Variants in SRP68 observed in about 807,000 individuals in gnomAD.
SRP68 encodes the protein signal recognition particle subunit SRP68.
Under a neutral mutation model 82.2 loss-of-function variants are expected in SRP68, and 15 were observed. That is an observed-to-expected ratio of 0.18 (90% CI 0.12 to 0.28). The LOEUF is 0.28. Among genes scored for constraint, SRP68 ranks in the 10% least tolerant of loss-of-function variants. The pLI, the probability that SRP68 is intolerant of heterozygous loss-of-function variation, is 1.00. For missense variants in SRP68, 595 were observed against 780.5 expected, an observed-to-expected ratio of 0.76 and a Z score of 2.83; for synonymous variants, 261 against 292.6, an observed-to-expected ratio of 0.89 and a Z score of 1.10.
At chr17:76,057,587 GA>G (rs1411681246) in intron 7 of SRP68, 44 bp from the exon 8 acceptor site, 1 of 1,603,856 alleles carries the variant, frequency 6.2e-7, no homozygotes, top group Non-Finnish European at 8.5e-7. Context: ...CTGGGGATAT[GA>G]GTGATGGAGG....
Position 76,060,301 on chromosome 17 carries a change from A to G in SRP68, c.837+7T>C. The G allele has an allele frequency of 3.7e-6, 6 of 1,604,184 alleles. No homozygotes were observed. The highest frequency in any genetic ancestry group is 4.3e-6 in the Non-Finnish European group (5 of 1,172,918). On this transcript the variant is annotated splice_region_variant and intron_variant, in intron 7 of 15. Coordinates refer to ENST00000307877, the MANE Select transcript of SRP68 (RefSeq NM_014230.4). ...GACTTTTCACAAAAATGTACATACT[A>G]GATTACCTCCAATTTTTCAGCCAAG... is the stretch of plus-strand genomic sequence containing the variant.
intron 8 of SRP68, among the ~76,000 whole-genome samples, chr17:76,051,577 C>T (rs1252758772): frequency 6.6e-6 from 1 of 152,106 alleles, no homozygotes; most frequent in Non-Finnish European, 1.5e-5. Context: ...CTTAAGAAAG[C>T]TTTTCTTAAA....
At chr17:76,066,117 C>T (rs1336219554) in intron 3 of SRP68, among the ~76,000 whole-genome samples, 2 of 151,944 alleles carry the variant, frequency 1.3e-5, no homozygotes, top group Non-Finnish European at 2.9e-5. Flanking sequence ...ATGCCAAGCA[C>T]TGGTGTATTC....
intron 7 of SRP68, 131 bp from the exon 8 acceptor site, chr17:76,057,674 C>G: frequency 9.7e-7 from 1 of 1,030,524 alleles, no homozygotes; most frequent in Admixed American, 2.6e-5. Context: ...AGAGTATACA[C>G]CAATTTCTTT....
chr17:76,052,349 C>G (rs1433459194), intron 8 of SRP68, among the ~76,000 whole-genome samples: 2 of 151,958 alleles, frequency 1.3e-5, no homozygotes, highest in Admixed American at 6.6e-5. Context: ...TTTCAAAGTA[C>G]AAATCTGTGG....
At chr17:76,046,461 A>C (rs905979756) in intron 10 of SRP68, among the ~76,000 whole-genome samples, 1 of 97,986 alleles carries the variant, frequency 1.0e-5, no homozygotes, top group African/African-American at 5.5e-5. Flanking sequence ...AGAACCACAC[A>C]GTGGAAAAAA....
chr17:76,045,478 G>GA (rs34106800), intron 11 of SRP68, 92 bp from the exon 12 acceptor site: 282,385 of 781,634 alleles, frequency 0.36, 37,391 homozygotes, highest in African/African-American at 0.8. Flanking sequence ...CAAGAGTGAG[G>GA]AAAAAAAAAA....
intron 8 of SRP68, among the ~76,000 whole-genome samples, chr17:76,054,269 T>G (rs557579686): frequency 6.6e-6 from 1 of 152,264 alleles, no homozygotes; most frequent in South Asian, 2.1e-4. Flanking sequence ...TCAGATTGTT[T>G]TCACTTGTCT....
chr17:76,053,859 G>T (rs1340068089), intron 8 of SRP68, among the ~76,000 whole-genome samples: 2 of 152,134 alleles, frequency 1.3e-5, no homozygotes, highest in African/African-American at 4.8e-5. Flanking sequence ...GATGATTCCT[G>T]AAAGGACAGT....
intron 12 of SRP68, chr17:76,045,001 C>T: frequency 4.2e-6 from 1 of 238,142 alleles, no homozygotes; most frequent in Non-Finnish European, 8.1e-6. Flanking sequence ...CTCAGCCTCC[C>T]AAAGTTCTGG....
chr17:76,061,358 G>C, intron 5 of SRP68, 134 bp downstream of exon 5: 3 of 970,002 alleles, frequency 3.1e-6, no homozygotes, highest in Admixed American at 2.2e-5. Context: ...AAGGTTGAAA[G>C]AGAATCATCA....
At chr17:76,043,296 A>G (rs146288768) in intron 13 of SRP68, 1,585 of 152,150 alleles carry the variant, frequency 0.01, 21 homozygotes, top group African/African-American at 0.035. Context: ...AACAAGCAGA[A>G]GGTTCCGGGT....
In SRP68 at chr17:76,046,101, C is replaced by T. The variant is rs774568329; in HGVS notation, c.1236G>A (p.Glu412=). The T allele has an allele frequency of 1.1e-5, 18 of 1,613,852 alleles. No individual in the cohort carries two copies. Among genetic ancestry groups the T allele is most frequent in the Non-Finnish European group, 1.4e-5 (17 of 1,179,886 alleles). The change falls in exon 11 of 16, where the codon GAG becomes GAA. Residue 412 remains glutamate, a synonymous_variant. Transcript: ENST00000307877. ...GCCGGGGTGAGCGCTTGCTGTCATC[C>T]TCTGGCTGCTGCTGCAGCAGAGCCC... ...LQRALLQQQP[E]DDSKRSPRPQ... is the part of the protein sequence containing the mutation.
chr17:76,059,266 C>T (rs887135896), intron 7 of SRP68, among the ~76,000 whole-genome samples: 7 of 152,164 alleles, frequency 4.6e-5, no homozygotes, highest in South Asian at 2.1e-4. Context: ...ATAAGTAAGC[C>T]GGGCGCGGTG....
chr17:76,067,403 C>T, intron 2 of SRP68, 73 bp from the exon 3 acceptor site: 2 of 1,024,962 alleles, frequency 2.0e-6, no homozygotes, highest in East Asian at 2.4e-5. Context: ...TGCAATAAGG[C>T]AAGGTCAAGG....
chr17:76,046,301 G>C, intron 10 of SRP68, 107 bp from the exon 11 acceptor site: 1 of 1,293,826 alleles, frequency 7.7e-7, no homozygotes, highest in East Asian at 2.3e-5. Context: ...GGGCGGGTGG[G>C]GGCGTGGCCA....
At chr17:76,059,290 C>G (rs1453183205) in intron 7 of SRP68, among the ~76,000 whole-genome samples, 1 of 151,770 alleles carries the variant, frequency 6.6e-6, no homozygotes, top group Non-Finnish European at 1.5e-5. Flanking sequence ...CACGCCTATA[C>G]TCCCAGCACT....
chr17:76,043,848 G>C lies in SRP68; in HGVS notation c.1505C>G (p.Ala502Gly). The C allele has an allele frequency of 6.2e-6, 10 of 1,603,556 alleles. No homozygotes were observed. Among genetic ancestry groups the C allele is most frequent in the South Asian group, 2.2e-5 (2 of 88,942 alleles). Reference protein sequence around the residue: ...YANEVNSDAGAFKNSLKDLPD... With the variant: ...YANEVNSDAGGFKNSLKDLPD... ...TCTCACCTTTAGGCTGTTCTTGAAG[G>C]CGCCAGCATCAGAATTTACTTCATT... is the stretch of plus-strand genomic sequence containing the variant. Residue 502 changes from alanine (A) to glycine (G), a missense_variant, in exon 13 of 16, where the codon GCC (alanine) becomes GGC (glycine). Physicochemically the swap from Ala to Gly is moderately conservative, Grantham distance 60. This residue lies in a region of SRP68 where 495 missense variants were observed against 688.6 expected (regional missense o/e 0.72). Transcript: ENST00000307877.
chr17:76,063,967 G>A lies in SRP68; in HGVS notation c.561+9C>T. The A allele has an allele frequency of 3.7e-6, 6 of 1,604,684 alleles. No homozygotes were observed. Among genetic ancestry groups the A allele is most frequent in the Non-Finnish European group, 5.1e-6 (6 of 1,173,434 alleles). On this transcript the variant is annotated intron_variant, in intron 4 of 15. Transcript: ENST00000307877. ...CCACAATAAACAAGCTGAATGTTGA[G>A]GTACTAACCTGAGCCTCTAATTTGG...
Sources: allele counts gnomAD v4.1 joint callset (sites outside exome capture counted in the v4.1 genomes callset), GRCh38; gene constraint gnomAD v4.1.1; regional missense constraint gnomAD v4.1.1; transcripts MANE v1.5; gene names NCBI Gene and HGNC (gene_info 2026-07-23, HGNC 2026-07-21).